The following PRKCG variants were observed in gnomAD, a reference collection of about 807,000 sequenced individuals.
PRKCG encodes the protein protein kinase C gamma, also known as protein kinase C gamma type.
Under a neutral mutation model 82.0 loss-of-function variants are expected in PRKCG, and 28 were observed. The ratio of observed to expected loss-of-function variants is 0.34; its 90% CI spans 0.25 to 0.47. The LOEUF is 0.47. Ranked by LOEUF, PRKCG falls within the 20% of genes least tolerant of loss-of-function variation. PRKCG has a pLI of 1.00. For synonymous variants in PRKCG, 383 were observed against 376.6 expected, an observed-to-expected ratio of 1.02 and a Z score of -0.20; for missense variants, 640 against 952.7, an observed-to-expected ratio of 0.67 and a Z score of 4.32.
chr19:53,882,846 G>T lies in PRKCG; in HGVS notation c.170+182G>T, dbSNP rs1020155271. Among the ~76,000 whole-genome samples, 9 of 152,116 alleles carry T rather than the reference G, an allele frequency of 5.9e-5. No individual in the cohort carries two copies. The highest frequency in any genetic ancestry group is 2.2e-4 in the African/African-American group (9 of 41,422). ...TCAGTGAGGAGGAGGCTGGTTCCTG[G>T]AGTGCTGGGTCCGAGGGAGGAGGAG... On this transcript the variant is annotated intron_variant, in intron 1 of 17. Coordinates refer to ENST00000263431, the MANE Select transcript of PRKCG (RefSeq NM_002739.5). The surrounding 1 kb of genome is among the most constrained non-coding windows in gnomAD (Gnocchi z 6.1).
At position 53,904,715 on chromosome 19, in the gene PRKCG, C is replaced by G; in HGVS notation, c.1737C>G (p.Ser579=). The stretch of plus-strand genomic sequence containing the variant: ...CTGTCACCTACCCCAAGTCGCTTTC[C>G]CGGGAAGCCGTGGCCATCTGCAAGG... ...EQTVTYPKSL[S]REAVAICKGF... Residue 579 remains serine (S), a synonymous_variant, in exon 16 of 18, where the codon TCC becomes TCG. Coordinates refer to ENST00000263431, the MANE Select transcript of PRKCG (RefSeq NM_002739.5). The G allele has an allele frequency of 6.2e-7, 1 of 1,613,810 alleles. No homozygotes were observed. The highest frequency in any genetic ancestry group is 8.5e-7 in the Non-Finnish European group (1 of 1,179,950).
intron 14 of PRKCG, among the ~76,000 whole-genome samples, chr19:53,901,426 C>A (rs2068762456): frequency 6.6e-6 from 1 of 151,788 alleles, no homozygotes; most frequent in Non-Finnish European, 1.5e-5. Flanking sequence ...CGCCTGTAAT[C>A]CCAGCTATTC....
In PRKCG at chr19:53,892,896, C is replaced by G; in HGVS notation, c.822-92C>G. 1 of 1,258,988 alleles carries G rather than the reference C, an allele frequency of 7.9e-7. No homozygotes were observed. Among genetic ancestry groups the G allele is most frequent in the Non-Finnish European group, 1.1e-6 (1 of 874,314 alleles). 78.0% of individuals were successfully genotyped at this position (1,258,988 alleles called of 1,614,324 possible). On this transcript the variant is annotated intron_variant, in intron 7 of 17. Coordinates refer to ENST00000263431, the MANE Select transcript of PRKCG (RefSeq NM_002739.5). The surrounding 1 kb of genome is among the most constrained non-coding windows in gnomAD (Gnocchi z 5.9). ...CTCTCTTCCATCTCTGTGTCCGTCT[C>G]TCTGTGTCTCTTTCCTCCCTTCCAA...
At chr19:53,890,185 A>G (rs1375014179) in intron 5 of PRKCG, among the ~76,000 whole-genome samples, 168 bp downstream of exon 5, 2 of 151,624 alleles carry the variant, frequency 1.3e-5, no homozygotes, top group Non-Finnish European at 2.9e-5. Context: ...ACACCCAGCC[A>G]TACCCCTTTT....
At chr19:53,906,584 G>A (rs1456893164) in intron 17 of PRKCG, 123 bp from the exon 18 acceptor site, 13 of 1,553,962 alleles carry the variant, frequency 8.4e-6, no homozygotes, top group Non-Finnish European at 1.2e-5. Context: ...AAAAGGAGGT[G>A]CAGACACCAT....
At position 53,892,977 on chromosome 19, in the gene PRKCG, C is replaced by T. The variant is rs774302431; in HGVS notation, c.822-11C>T. On this transcript the variant is annotated splice_polypyrimidine_tract_variant and intron_variant, in intron 7 of 17. Transcript: ENST00000263431. The surrounding 1 kb of genome is among the most constrained non-coding windows in gnomAD (Gnocchi z 5.9). ...CCCGCTGCCCGCCTCTGGTCTCCGT[C>T]TGTATGTCAGGTACAAGTTACTGAA... 3.5e-5 allele frequency: 57 copies of T among 1,613,516 alleles called. 1 individual carries two copies. In the East Asian group the frequency reaches 1.3e-3, roughly 36 times the overall value.
In PRKCG at chr19:53,906,054, CCT is replaced by C. The variant is rs1568763851; in HGVS notation, c.1765-261_1765-260del. 5.2e-5 allele frequency among the ~76,000 whole-genome samples: 3 copies of C among 57,158 alleles called. No individual in the cohort carries two copies. The African/African-American group carries it at 5.6e-4, about 11-fold the overall frequency. The allele number at this position is 57,158 out of a possible 152,430, so 37.5% of individuals were successfully genotyped here. A position where few individuals can be genotyped will look rare whatever the true frequency, so the allele number is the denominator to read the frequency against. On this transcript the variant is annotated intron_variant, in intron 16 of 17. Transcript: ENST00000263431. ...CCTCCTCCTCCTCCCTCCTCCTCCT[CCT>C]CCTCCTCCTCCTCCTCCTCCTCCTC...
In PRKCG at chr19:53,884,603, G is replaced by C. The variant is rs1031854204; in HGVS notation, c.285+360G>C. On this transcript the variant is annotated intron_variant, in intron 3 of 17. Coordinates refer to ENST00000263431, the MANE Select transcript of PRKCG (RefSeq NM_002739.5). The surrounding 1 kb of genome is among the most constrained non-coding windows in gnomAD (Gnocchi z 4.6). ...GCGGAGATGCCAACATAAGACAGAG[G>C]GAATCTCAGGGAGAGGAACAGAGAC... Among the ~76,000 whole-genome samples the C allele has an allele frequency of 2.0e-5, 3 of 152,052 alleles. No individual in the cohort carries two copies. Among genetic ancestry groups the C allele is most frequent in the Admixed American group, 6.6e-5 (1 of 15,250 alleles).
chr19:53,893,514 T>C, intron 9 of PRKCG, 123 bp downstream of exon 9: 1 of 1,073,442 alleles, frequency 9.3e-7, no homozygotes, highest in South Asian at 1.3e-5. Context: ...GTGCTAGGCC[T>C]GTCTTGTGCT....
chr19:53,906,067 C>T (rs2068804434), intron 16 of PRKCG, among the ~76,000 whole-genome samples: 3 of 77,414 alleles, frequency 3.9e-5, no homozygotes, highest in African/African-American at 3.4e-4. Flanking sequence ...CCTCCTCCTC[C>T]TCCTCCTCCT....
At position 53,892,865 on chromosome 19, in the gene PRKCG, C is replaced by G; in HGVS notation, c.822-123C>G. The G allele has an allele frequency of 1.8e-6, 2 of 1,086,018 alleles. No homozygotes were observed. The highest frequency in any genetic ancestry group is 1.3e-5 in the South Asian group (1 of 75,066). 67.3% of individuals were successfully genotyped at this position (1,086,018 alleles called of 1,614,324 possible). A position where few individuals can be genotyped will look rare whatever the true frequency, so the allele number is the denominator to read the frequency against. On this transcript the variant is annotated intron_variant, in intron 7 of 17. Coordinates refer to ENST00000263431, the MANE Select transcript of PRKCG (RefSeq NM_002739.5). The surrounding 1 kb of genome is among the most constrained non-coding windows in gnomAD (Gnocchi z 5.9). ...TCCCTCTCCCTCTCTTTTTATCTCA[C>G]TCTTTCTCTCTTCCATCTCTGTGTC...
intron 16 of PRKCG, among the ~76,000 whole-genome samples, chr19:53,905,653 C>A (rs966982680): frequency 7.1e-6 from 1 of 140,706 alleles, no homozygotes; most frequent in Non-Finnish European, 1.5e-5. Context: ...TTCCCCCATT[C>A]CCTCCCTCTT....
chr19:53,886,180 C>T (rs542751165), intron 3 of PRKCG, among the ~76,000 whole-genome samples: 125 of 151,674 alleles, frequency 8.2e-4, no homozygotes, highest in Non-Finnish European at 1.5e-3. Context: ...TCTTGGTTCA[C>T]TGCAACCTCT....
chr19:53,906,874 A>C lies in PRKCG; in HGVS notation c.2073A>C (p.Pro691=). 1 of 1,613,278 alleles carries C rather than the reference A, an allele frequency of 6.2e-7. No homozygotes were observed. The highest frequency in any genetic ancestry group is 8.5e-7 in the Non-Finnish European group (1 of 1,179,878). Residue 691 remains proline (P), a synonymous_variant, in exon 18 of 18, where the codon CCA becomes CCC. Coordinates refer to ENST00000263431, the MANE Select transcript of PRKCG (RefSeq NM_002739.5). ...VHPDARSPTS[P]VPVPVM is the part of the protein sequence containing the mutation. ...CGGATGCCCGCAGCCCCACCAGCCC[A>C]GTGCCTGTGCCCGTCATGTAATCTC...
intron 11 of PRKCG, among the ~76,000 whole-genome samples, chr19:53,899,123 G>C (rs961618532): frequency 6.6e-6 from 1 of 150,394 alleles, no homozygotes; most frequent in African/African-American, 2.4e-5. Context: ...GGGCGTGGTC[G>C]GGCGGATGAG....
intron 11 of PRKCG, among the ~76,000 whole-genome samples, chr19:53,899,430 G>A (rs1256076296): frequency 6.6e-6 from 1 of 152,178 alleles, no homozygotes; most frequent in Non-Finnish European, 1.5e-5. Context: ...TCTGACTGAA[G>A]GACACATCAG....
Position 53,883,033 on chromosome 19 carries a change from A to G in PRKCG, c.171-130A>G. On this transcript the variant is annotated intron_variant, in intron 1 of 17. Coordinates refer to ENST00000263431, the MANE Select transcript of PRKCG (RefSeq NM_002739.5). The surrounding 1 kb of genome is among the most constrained non-coding windows in gnomAD (Gnocchi z 5.4). ...AAAATTTCTGGGTTCTAGAAAGAGG[A>G]GGTGGCCGGGGCTTGGACACCTGGG... 1 of 1,192,184 alleles carries G rather than the reference A, an allele frequency of 8.4e-7. No homozygotes were observed. Among genetic ancestry groups the G allele is most frequent in the Non-Finnish European group, 1.2e-6 (1 of 803,736 alleles). The allele number at this position is 1,192,184 out of a possible 1,614,324, so 73.9% of individuals were successfully genotyped here.
chr19:53,881,095 ACTG>A (rs2068584799), upstream of PRKCG, among the ~76,000 whole-genome samples: 1 of 126,650 alleles, frequency 7.9e-6, no homozygotes, highest in South Asian at 2.8e-4. Flanking sequence ...GGAGAGAGAG[ACTG>A]AGTCATAGAC....
chr19:53,886,264 T>C (rs924412256), intron 3 of PRKCG, among the ~76,000 whole-genome samples: 4 of 151,038 alleles, frequency 2.6e-5, no homozygotes, highest in Non-Finnish European at 5.9e-5. Context: ...TGAGCCACCA[T>C]GGCCGGCTAA....
Sources: gnomAD v4.1 joint callset for allele counts (sites outside exome capture counted in the v4.1 genomes callset) on GRCh38, gnomAD v4.1.1 for gene constraint, Gnocchi (gnomAD v3.1) non-coding constraint, MANE v1.5 for transcripts, NCBI Gene and HGNC (gene_info 2026-07-23, HGNC 2026-07-21) for gene names.